The following COL24A1 variants were observed in gnomAD, a reference collection of about 807,000 sequenced individuals.
COL24A1 encodes the protein collagen alpha-1(XXIV) chain.
In COL24A1, 224 loss-of-function variants were observed where a neutral mutation model predicts 253.9. That is an observed-to-expected ratio of 0.88 (90% CI 0.79 to 0.99). The LOEUF (loss-of-function observed/expected upper bound fraction) is 0.99. Among genes scored for constraint, COL24A1 ranks in the 50% least tolerant of loss-of-function variants. COL24A1 has a pLI of 0.00. For synonymous variants in COL24A1, 685 were observed against 673.7 expected (o/e 1.02, Z -0.26); for missense variants, 2,131 against 2,068.5 (o/e 1.03, Z -0.59).
intron 31 of COL24A1, among the ~76,000 whole-genome samples, chr1:85,895,446 T>C (rs903133793): frequency 3.3e-5 from 5 of 152,188 alleles, no homozygotes; most frequent in Admixed American, 2.6e-4. Context: ...ATTATATTTA[T>C]ATGTCACACC....
intron 52 of COL24A1, among the ~76,000 whole-genome samples, chr1:85,778,023 C>CTCTATCTATCTATCTA (rs71075864): frequency 0.025 from 3,668 of 149,214 alleles, 45 homozygotes; most frequent in East Asian, 0.041. Context: ...ATGTCTCTAT[C>CTCTATCTATCTATCTA]TCTATCTATC....
intron 39 of COL24A1, among the ~76,000 whole-genome samples, chr1:85,843,529 A>C (rs1676848111): frequency 6.6e-6 from 1 of 152,234 alleles, no homozygotes; most frequent in Non-Finnish European, 1.5e-5. Context: ...TAATAACAAC[A>C]CTGGAAAATA....
intron 39 of COL24A1, 148 bp from the exon 40 acceptor site, chr1:85,842,541 C>A (rs1010847205): frequency 6.9e-6 from 4 of 577,134 alleles, no homozygotes; most frequent in Non-Finnish European, 1.2e-5. Flanking sequence ...AAAAAATAAC[C>A]CCCCAACTTT....
chr1:85,870,227 G>A (rs1183542960), intron 35 of COL24A1, among the ~76,000 whole-genome samples: 2 of 152,162 alleles, frequency 1.3e-5, no homozygotes, highest in African/African-American at 4.8e-5. Context: ...AAGAGACTTA[G>A]ACTCCCACAC....
At chr1:86,113,835 CACA>C (rs1705850023) in intron 4 of COL24A1, among the ~76,000 whole-genome samples, 1 of 9,362 alleles carries the variant, frequency 1.1e-4, no homozygotes, top group African/African-American at 2.8e-4. Context: ...GATCCTGTCT[CACA>C]AAAAAAAAAA....
chr1:86,151,085 GTA>G (rs775426163), intron 1 of COL24A1, among the ~76,000 whole-genome samples: 1 of 151,644 alleles, frequency 6.6e-6, no homozygotes, highest in Non-Finnish European at 1.5e-5. Flanking sequence ...TAAAGGGTTT[GTA>G]TATATGTGTG....
chr1:86,029,002 C>T (rs1181105439), intron 14 of COL24A1, among the ~76,000 whole-genome samples: 2 of 152,130 alleles, frequency 1.3e-5, no homozygotes, highest in Non-Finnish European at 2.9e-5. Flanking sequence ...ACAGTAACAA[C>T]AGAAGCTTTT....
rs1041155074 is a variant in COL24A1, at chr1:85,934,832, C to T, written c.2563-23399G>A. Among the ~76,000 whole-genome samples, 6 of 152,134 alleles carry T rather than the reference C, an allele frequency of 3.9e-5. No individual in the cohort carries two copies. The East Asian group carries it at 1.2e-3, about 29-fold the overall frequency. On this transcript the variant is annotated intron_variant, in intron 24 of 59. Transcript: ENST00000370571. ...GCCCACAAAGCCCAAGTCATTTCTG[C>T]TGGATATTTAAAGAAAACACAAAAC...
chr1:85,934,940 C>A (rs145716861), intron 24 of COL24A1, among the ~76,000 whole-genome samples: 1,646 of 151,830 alleles, frequency 0.011, 17 homozygotes, highest in Non-Finnish European at 0.018. Flanking sequence ...GATTCCACAT[C>A]TAACACACAA....
chr1:86,011,953 A>AT (rs1224490131), intron 19 of COL24A1, among the ~76,000 whole-genome samples: 2 of 151,994 alleles, frequency 1.3e-5, no homozygotes, highest in African/African-American at 4.8e-5. Flanking sequence ...CTGATTCAAC[A>AT]TTTTTGAGAT....
chr1:86,146,152 C>T lies in COL24A1; in HGVS notation c.88G>A (p.Val30Met), dbSNP rs768919011. Reference protein sequence around the residue: ...KSLLHFIVLCVAGVVVHAQEQ... With the variant: ...KSLLHFIVLCMAGVVVHAQEQ... ...TGTGCATGAACAACCACCCCAGCCA[C>T]ACATAGTACAATAAAATGAAGAAGT... The change falls in exon 2 of 60, where the codon GTG (valine) becomes ATG (methionine). Residue 30 changes from valine (V) to methionine (M), a missense_variant. Physicochemically the swap from Val to Met is conservative, Grantham distance 21 (BLOSUM62 1). Coordinates refer to ENST00000370571, the MANE Select transcript of COL24A1 (RefSeq NM_152890.7). The T allele has an allele frequency of 5.6e-6, 9 of 1,610,874 alleles. No individual in the cohort carries two copies. Among genetic ancestry groups the T allele is most frequent in the Admixed American group, 1.7e-5 (1 of 59,692 alleles).
intron 11 of COL24A1, among the ~76,000 whole-genome samples, chr1:86,048,435 C>T (rs1052949031): frequency 1.3e-5 from 2 of 151,894 alleles, no homozygotes; most frequent in Non-Finnish European, 2.9e-5. Flanking sequence ...ACACAGTACC[C>T]GTGAGGGGCC....
intron 12 of COL24A1, among the ~76,000 whole-genome samples, chr1:86,042,106 T>G (rs1478666269): frequency 6.6e-6 from 1 of 152,132 alleles, no homozygotes; most frequent in Admixed American, 6.6e-5. Context: ...AGCATGAGTA[T>G]ACACATACAT....
In COL24A1 at chr1:86,130,150, A is replaced by T. The variant is rs554485281; in HGVS notation, c.122-3936T>A. Among the ~76,000 whole-genome samples the T allele has an allele frequency of 9.9e-5, 15 of 151,972 alleles. No homozygotes were observed. In the South Asian group the frequency reaches 3.1e-3, roughly 31 times the overall value. ...TATTGGGTTTTATATTTTTGGCATT[A>T]CCTTAACTGGTAGTAAGACTAAGCT... On this transcript the variant is annotated intron_variant, in intron 2 of 59. Coordinates refer to ENST00000370571, the MANE Select transcript of COL24A1 (RefSeq NM_152890.7).
chr1:85,895,357 G>T (rs1481017454), intron 31 of COL24A1, among the ~76,000 whole-genome samples: 1 of 152,056 alleles, frequency 6.6e-6, no homozygotes. Flanking sequence ...GGCCTAAAAG[G>T]AATTCAAGTT....
intron 34 of COL24A1, 97 bp from the exon 35 acceptor site, chr1:85,874,799 G>A (rs961737892): frequency 2.9e-5 from 38 of 1,323,700 alleles, no homozygotes; most frequent in Non-Finnish European, 3.7e-5. Context: ...CAACGCCTGG[G>A]CCGTAGAGGG....
chr1:85,840,008 T>C lies in COL24A1; in HGVS notation c.3627+1214A>G, dbSNP rs561151634. Among the ~76,000 whole-genome samples the C allele has an allele frequency of 1.1e-3, 164 of 152,296 alleles. 1 individual carries two copies. The highest frequency in any genetic ancestry group is 3.9e-3 in the African/African-American group (162 of 41,580). The stretch of plus-strand genomic sequence containing the variant: ...TAGAGCATTAATTGACAAATTTTAA[T>C]TTACTCTTACGTGGACAAAGGTAAG... On this transcript the variant is annotated intron_variant, in intron 42 of 59. Transcript: ENST00000370571.
intron 47 of COL24A1, among the ~76,000 whole-genome samples, chr1:85,802,574 C>T (rs552477677): frequency 4.6e-5 from 7 of 152,052 alleles, no homozygotes; most frequent in Non-Finnish European, 8.8e-5. Flanking sequence ...TCTCTATATA[C>T]CTATTTCACT....
intron 20 of COL24A1, among the ~76,000 whole-genome samples, chr1:85,975,083 T>C (rs999815659): frequency 6.6e-6 from 1 of 152,086 alleles, no homozygotes; most frequent in African/African-American, 2.4e-5. Context: ...TAAGATATCA[T>C]CTCATTAGAA....
Sources: gnomAD v4.1 joint callset for allele counts (sites outside exome capture counted in the v4.1 genomes callset) on GRCh38, gnomAD v4.1.1 for gene constraint, MANE v1.5 for transcripts, NCBI Gene and HGNC (gene_info 2026-07-23, HGNC 2026-07-21) for gene names.